TMPRSS12: variants seen among roughly 807,000 people sequenced by gnomAD.
The protein encoded by TMPRSS12 is transmembrane serine protease 12, also known as transmembrane protease serine 12.
In TMPRSS12, 25 loss-of-function variants were observed where a neutral mutation model predicts 26.0. That is an observed-to-expected ratio of 0.96 (90% CI 0.70 to 1.34). The LOEUF (loss-of-function observed/expected upper bound fraction) is 1.34. Ranked by LOEUF, TMPRSS12 falls within the 40% of genes most tolerant of loss-of-function variation. The pLI is 0.00. For synonymous variants in TMPRSS12, 150 were observed against 161.7 expected (o/e 0.93, Z 0.55); for missense variants, 441 against 440.1 (o/e 1.00, Z -0.02).
At chr12:50,855,462 A>G (rs57892089) in intron 2 of TMPRSS12, among the ~76,000 whole-genome samples, 15,718 of 152,216 alleles carry the variant, frequency 0.1, 1,553 homozygotes, top group East Asian at 0.32. Flanking sequence ...AAAATGCTCA[A>G]CATCACTAAT....
At chr12:50,861,540 T>C (rs1937934389) in intron 3 of TMPRSS12, among the ~76,000 whole-genome samples, 1 of 152,180 alleles carries the variant, frequency 6.6e-6, no homozygotes, top group African/African-American at 2.4e-5. Context: ...GGCATGTTAT[T>C]GACTCTTTAA....
intron 1 of TMPRSS12, among the ~76,000 whole-genome samples, 179 bp from the exon 2 acceptor site, chr12:50,843,663 T>G (rs996921036): frequency 6.6e-6 from 1 of 152,188 alleles, no homozygotes; most frequent in African/African-American, 2.4e-5. Context: ...AGTAATCGAT[T>G]ATGGCATATT....
At chr12:50,856,274 A>G (rs829132) in intron 2 of TMPRSS12, among the ~76,000 whole-genome samples, 97,967 of 151,454 alleles carry the variant, frequency 0.65, 31,960 homozygotes, top group Non-Finnish European at 0.7. Flanking sequence ...CTCATCATGC[A>G]ATGCTCCTGT....
intron 3 of TMPRSS12, among the ~76,000 whole-genome samples, chr12:50,879,501 G>A (rs559602942): frequency 5.9e-5 from 9 of 152,014 alleles, no homozygotes; most frequent in Admixed American, 6.6e-5. Context: ...TCCTTATTAC[G>A]TTTTTGTTGC....
At chr12:50,878,814 T>A (rs1938137586) in intron 3 of TMPRSS12, among the ~76,000 whole-genome samples, 1 of 152,202 alleles carries the variant, frequency 6.6e-6, no homozygotes, top group Non-Finnish European at 1.5e-5. Context: ...AATCTGAATG[T>A]TTGTGTCCAT....
At chr12:50,852,417 A>G (rs533926153) in intron 2 of TMPRSS12, among the ~76,000 whole-genome samples, 2 of 152,272 alleles carry the variant, frequency 1.3e-5, no homozygotes, top group East Asian at 3.9e-4. Context: ...AATAGACTTT[A>G]TTTATTTTTT....
intron 3 of TMPRSS12, among the ~76,000 whole-genome samples, chr12:50,862,868 G>T (rs1431167027): frequency 6.6e-6 from 1 of 150,770 alleles, no homozygotes; most frequent in Non-Finnish European, 1.5e-5. Flanking sequence ...GATCTAGGTA[G>T]GTTAAAAAAA....
In TMPRSS12 at chr12:50,858,828, C is replaced by T. The variant is rs1305523232; in HGVS notation, c.427C>T (p.His143Tyr). The T allele has an allele frequency of 1.9e-6, 3 of 1,608,570 alleles. No homozygotes were observed. Among genetic ancestry groups the T allele is most frequent in the East Asian group, 2.2e-5 (1 of 44,772 alleles). Residue 143 changes from histidine to tyrosine, a missense_variant, in exon 3 of 5, where the codon CAT becomes TAT. His to Tyr is a moderately conservative substitution (Grantham distance 83). Transcript: ENST00000398458. ...WTAVIGTNNIHGRYPHTKKIK... is the reference protein window; with the variant it reads ...WTAVIGTNNIYGRYPHTKKIK... ...AGCTGTGATTGGAACTAATAATATA[C>T]ATGGACGCTATCCTCATACCAAGAA...
intron 2 of TMPRSS12, among the ~76,000 whole-genome samples, chr12:50,856,038 A>G (rs1480758680): frequency 3.9e-5 from 6 of 152,164 alleles, no homozygotes; most frequent in Non-Finnish European, 5.9e-5. Flanking sequence ...GAAGGGAATA[A>G]CAGACACTGG....
At chr12:50,872,437 C>T (rs1168334980) in intron 3 of TMPRSS12, among the ~76,000 whole-genome samples, 42 of 134,080 alleles carry the variant, frequency 3.1e-4, no homozygotes, top group South Asian at 2.0e-3. Context: ...GGCGTGAACC[C>T]GGGAAGCGGA....
chr12:50,859,653 T>C (rs1239680873), intron 3 of TMPRSS12, among the ~76,000 whole-genome samples: 1 of 152,212 alleles, frequency 6.6e-6, no homozygotes, highest in Non-Finnish European at 1.5e-5. Flanking sequence ...CCACTAAGCC[T>C]GGCCTACTGT....
chr12:50,846,104 T>C (rs956786596), intron 2 of TMPRSS12, among the ~76,000 whole-genome samples: 22 of 152,230 alleles, frequency 1.4e-4, no homozygotes, highest in Non-Finnish European at 2.9e-4. Context: ...TCACTCTCGA[T>C]ATTGTCCTTT....
rs1307413373 is a variant in TMPRSS12, at chr12:50,842,939, C to A, written c.-26C>A. On this transcript the variant is annotated 5_prime_UTR_variant, in exon 1 of 5. Coordinates refer to ENST00000398458, the MANE Select transcript of TMPRSS12 (RefSeq NM_182559.3). ...CCCAGGGCGGGTGGGAAGTACCTGC[C>A]GCCATCTTGCTCACCAGCCTCCAAA... The A allele has an allele frequency of 6.5e-7, 1 of 1,547,594 alleles. No individual in the cohort carries two copies. The highest frequency in any genetic ancestry group is 1.2e-5 in the South Asian group (1 of 83,394).
rs752495631 is a variant in TMPRSS12, at chr12:50,857,799, T to TGTTGTC, written c.384-981_384-980insCGTTGT. Among the ~76,000 whole-genome samples, 444 of 150,042 alleles carry TGTTGTC rather than the reference T, an allele frequency of 3.0e-3. 2 individuals carry two copies. The highest frequency in any genetic ancestry group is 6.4e-3 in the African/African-American group (257 of 39,972). ...TTCTGGTTTAGTTTTTTGTTGTTGT[T>TGTTGTC]GTTGTTGTCGTTGTTGTCGTTGTTG... On this transcript the variant is annotated intron_variant, in intron 2 of 4. Coordinates refer to ENST00000398458, the MANE Select transcript of TMPRSS12 (RefSeq NM_182559.3).
chr12:50,872,837 G>GACGTATATATATGTACATATAT (rs1565936021), intron 3 of TMPRSS12, among the ~76,000 whole-genome samples: 32 of 18,428 alleles, frequency 1.7e-3, no homozygotes, highest in African/African-American at 6.7e-3. Flanking sequence ...ACATATATAT[G>GACGTATATATATGTACATATAT]ACGTCTATAT....
At chr12:50,866,160 G>GAATCTTTAAAAATGATTTAAAAA (rs1381064668) in intron 3 of TMPRSS12, among the ~76,000 whole-genome samples, 56 of 152,162 alleles carry the variant, frequency 3.7e-4, no homozygotes, top group Non-Finnish European at 7.1e-4. Context: ...ACAACCCACA[G>GAATCTTTAAAAATGATTTAAAAA]ACCCTCTGAA....
At chr12:50,860,685 C>T (rs1018974083) in intron 3 of TMPRSS12, among the ~76,000 whole-genome samples, 3 of 152,160 alleles carry the variant, frequency 2.0e-5, no homozygotes, top group Non-Finnish European at 2.9e-5. Flanking sequence ...TCATGGCTCA[C>T]TGTAACCTTT....
intron 4 of TMPRSS12, chr12:50,887,059 C>G: frequency 1.8e-6 from 1 of 546,336 alleles, no homozygotes; most frequent in South Asian, 2.9e-5. Flanking sequence ...TATATGGTTC[C>G]TCCAAATACC....
chr12:50,885,087 C>A (rs2139739943), intron 3 of TMPRSS12, among the ~76,000 whole-genome samples, 159 bp from the exon 4 acceptor site: 1 of 152,180 alleles, frequency 6.6e-6, no homozygotes, highest in Non-Finnish European at 1.5e-5. Context: ...CTTCTACAAT[C>A]TTCCTAGGCA....
Sources: allele counts gnomAD v4.1 joint callset (sites outside exome capture counted in the v4.1 genomes callset), GRCh38; gene constraint gnomAD v4.1.1; transcripts MANE v1.5; gene names NCBI Gene and HGNC (gene_info 2026-07-23, HGNC 2026-07-21).